The following PTPRK variants were observed in gnomAD, a reference collection of about 807,000 sequenced individuals.
PTPRK encodes receptor-type tyrosine-protein phosphatase kappa.
PTPRK carries 75 observed loss-of-function variants against 178.0 expected under a neutral mutation model. That is an observed-to-expected ratio of 0.42 (90% confidence interval 0.35 to 0.51). PTPRK has a LOEUF of 0.51. Among genes scored for constraint, PTPRK ranks in the 20% least tolerant of loss-of-function variants. PTPRK has a pLI of 0.02. For synonymous variants in PTPRK, 637 were observed against 620.6 expected (o/e 1.03, Z -0.39); for missense variants, 1,441 against 1,797.8 (o/e 0.80, Z 3.59).
At chr6:128,004,053 C>A (rs1040120257) in intron 15 of PTPRK, among the ~76,000 whole-genome samples, 1 of 151,812 alleles carries the variant, frequency 6.6e-6, no homozygotes, top group Non-Finnish European at 1.5e-5. Flanking sequence ...AGCATACAAC[C>A]TACAAATACT....
At chr6:128,520,148 G>A (rs1470893422) in intron 1 of PTPRK, 111 bp downstream of exon 1, 2 of 958,046 alleles carry the variant, frequency 2.1e-6, no homozygotes, top group East Asian at 5.4e-5. Context: ...CCCACCCCCG[G>A]ACAGAGAGAG....
chr6:128,177,331 T>C (rs1282366018), intron 7 of PTPRK, among the ~76,000 whole-genome samples: 1 of 151,774 alleles, frequency 6.6e-6, no homozygotes, highest in Non-Finnish European at 1.5e-5. Flanking sequence ...ATAAAAAACC[T>C]AGGACTTGAG....
chr6:127,993,019 G>C (rs1441450971), intron 18 of PTPRK, among the ~76,000 whole-genome samples: 5 of 151,628 alleles, frequency 3.3e-5, no homozygotes, highest in Non-Finnish European at 7.4e-5. Flanking sequence ...TAAATGTTTA[G>C]TCATTCATTC....
intron 7 of PTPRK, among the ~76,000 whole-genome samples, chr6:128,132,126 T>C (rs112553542): frequency 0.029 from 4,434 of 152,310 alleles, 101 homozygotes; most frequent in Middle Eastern, 0.095. Context: ...ACTAAAATAC[T>C]ATAAAAGACA....
At chr6:127,986,760 C>A (rs1283552262) in intron 21 of PTPRK, among the ~76,000 whole-genome samples, 2 of 152,114 alleles carry the variant, frequency 1.3e-5, no homozygotes, top group Non-Finnish European at 2.9e-5. Context: ...CTTGTTCAAT[C>A]AGAAAAGGTA....
intron 5 of PTPRK, among the ~76,000 whole-genome samples, chr6:128,228,490 CAAAAAA>C (rs1173094515): frequency 2.7e-5 from 2 of 75,008 alleles, no homozygotes; most frequent in African/African-American, 8.3e-5. Context: ...ACTAAAAATA[CAAAAAA>C]AAAAAAAAAA....
rs145915468 is a variant in PTPRK, at chr6:128,505,719, T to C, written c.100+14540A>G. On this transcript the variant is annotated intron_variant, in intron 1 of 29. Transcript: ENST00000368226. ...TTGTGTCAATTAAAGCTAGAAAAGA[T>C]AGTGTTAAAAAGTTGGAAAAATAAA... Among the ~76,000 whole-genome samples, 411 of 152,262 alleles carry C rather than the reference T, an allele frequency of 2.7e-3. 2 individuals carry two copies. Among genetic ancestry groups the C allele is most frequent in the African/African-American group, 9.6e-3 (400 of 41,556 alleles).
chr6:128,118,113 C>T (rs1791857065), intron 7 of PTPRK, among the ~76,000 whole-genome samples: 1 of 152,180 alleles, frequency 6.6e-6, no homozygotes, highest in Non-Finnish European at 1.5e-5. Flanking sequence ...ATGAAATGCT[C>T]ATAGGCAAAC....
At chr6:128,480,285 A>G (rs1851903245) in intron 1 of PTPRK, among the ~76,000 whole-genome samples, 2 of 152,156 alleles carry the variant, frequency 1.3e-5, no homozygotes, top group South Asian at 4.1e-4. Flanking sequence ...TCACATGTCA[A>G]CTAAAATTGG....
chr6:128,462,707 G>A (rs1849233292), intron 1 of PTPRK, among the ~76,000 whole-genome samples: 2 of 151,866 alleles, frequency 1.3e-5, no homozygotes, highest in East Asian at 3.9e-4. Context: ...CCAGGCTGGA[G>A]TGCAATGGCA....
chr6:128,480,503 A>G (rs540700784), intron 1 of PTPRK, among the ~76,000 whole-genome samples: 1 of 152,114 alleles, frequency 6.6e-6, no homozygotes, highest in Non-Finnish European at 1.5e-5. Context: ...ATTCCTCTTC[A>G]ATTTTAAATG....
Position 128,425,548 on chromosome 6 carries a change from C to T in PTPRK, c.101-27860G>A, listed in dbSNP as rs1207948547. 5.9e-5 allele frequency among the ~76,000 whole-genome samples: 9 copies of T among 152,094 alleles called. 1 individual carries two copies. The South Asian group carries it at 1.2e-3, about 21-fold the overall frequency. On this transcript the variant is annotated intron_variant, in intron 1 of 29. Coordinates refer to ENST00000368226, the MANE Select transcript of PTPRK (RefSeq NM_002844.4). ...GAGTTACTTCACTTAGAATAATAGT[C>T]CCCAATTCCATCTACTCCTTTCCTT... is the stretch of plus-strand genomic sequence containing the variant.
rs144456960 is a variant in PTPRK at position 128,325,204 on chromosome 6, T to C, written c.224-2894A>G. ...CATTCAACACAGAGAAAACTATATA[T>C]GCTTTTTGTTTGTTTTAAGTGCAAC... On this transcript the variant is annotated intron_variant, in intron 2 of 29. Coordinates refer to ENST00000368226, the MANE Select transcript of PTPRK (RefSeq NM_002844.4). Among the ~76,000 whole-genome samples the C allele has an allele frequency of 8.0e-3, 1,225 of 152,298 alleles. 8 individuals are homozygous for C. The highest frequency in any genetic ancestry group is 0.012 in the Non-Finnish European group (813 of 68,016).
intron 13 of PTPRK, among the ~76,000 whole-genome samples, chr6:128,025,297 T>C (rs755272300): frequency 6.6e-6 from 1 of 152,240 alleles, no homozygotes; most frequent in Admixed American, 6.5e-5. Context: ...GATTGTTTTC[T>C]CTAACTTTTG....
At chr6:128,498,790 G>A (rs1262112021) in intron 1 of PTPRK, among the ~76,000 whole-genome samples, 2 of 152,064 alleles carry the variant, frequency 1.3e-5, no homozygotes, top group Non-Finnish European at 2.9e-5. Context: ...TAGAATGAAT[G>A]GCAGAGAGAG....
At chr6:128,338,463 A>T (rs1032923588) in intron 2 of PTPRK, among the ~76,000 whole-genome samples, 1 of 152,190 alleles carries the variant, frequency 6.6e-6, no homozygotes, top group African/African-American at 2.4e-5. Flanking sequence ...TGGGAAAAAG[A>T]TGAGTTCAAG....
At chr6:128,491,393 C>G (rs1341600) in intron 1 of PTPRK, among the ~76,000 whole-genome samples, 2,694 of 152,232 alleles carry the variant, frequency 0.018, 80 homozygotes, top group African/African-American at 0.062. Flanking sequence ...AGGAGCAAAA[C>G]CAATAGATAG....
At chr6:128,172,417 C>A (rs147592321) in intron 7 of PTPRK, among the ~76,000 whole-genome samples, 5 of 151,894 alleles carry the variant, frequency 3.3e-5, no homozygotes, top group African/African-American at 1.2e-4. Context: ...CTCCCCTGTG[C>A]TACTGAAAAT....
chr6:128,227,975 G>C (rs536757940), intron 5 of PTPRK, among the ~76,000 whole-genome samples: 2 of 152,144 alleles, frequency 1.3e-5, no homozygotes, highest in East Asian at 1.9e-4. Context: ...TCAGGGGATA[G>C]GGGGCTAGGG....
Sources: gnomAD v4.1 joint callset for allele counts (sites outside exome capture counted in the v4.1 genomes callset) on GRCh38, gnomAD v4.1.1 for gene constraint, MANE v1.5 for transcripts, NCBI Gene and HGNC (gene_info 2026-07-23, HGNC 2026-07-21) for gene names.